PSMD9: variants seen among roughly 807,000 people sequenced by gnomAD.
PSMD9 encodes 26S proteasome non-ATPase regulatory subunit 9.
In PSMD9, 26 loss-of-function variants were observed where a neutral mutation model predicts 25.9. The ratio of observed to expected loss-of-function variants is 1.00; its 90% confidence interval spans 0.73 to 1.39. The LOEUF (loss-of-function observed/expected upper bound fraction) is 1.39, where lower values mean the gene tolerates loss of function less well. PSMD9 is among the 40% of genes most tolerant of loss of function. The pLI is 0.00. For missense variants in PSMD9, 303 were observed against 299.3 expected, an observed-to-expected ratio of 1.01 and a Z score of -0.09; for synonymous variants, 110 against 114.5, an observed-to-expected ratio of 0.96 and a Z score of 0.25.
At chr12:121,902,270 G>T (rs980323891) in intron 3 of PSMD9, 1 of 151,836 alleles carries the variant, frequency 6.6e-6, no homozygotes, top group South Asian at 2.1e-4. Context: ...GTGGAATGGG[G>T]TCCTAAACCC....
chr12:121,912,738 T>C lies in PSMD9; in HGVS notation c.556-3118T>C, dbSNP rs1046373017. ...AAAATTAGCCAGGTGTGGAGGATTGTGCCTGTAGTCACAGCTACTCAGGAG... is the reference window on the plus strand; with the variant it reads ...AAAATTAGCCAGGTGTGGAGGATTGCGCCTGTAGTCACAGCTACTCAGGAG... On this transcript the variant is annotated intron_variant, in intron 4 of 5. Coordinates refer to ENST00000541212, the MANE Select transcript of PSMD9 (RefSeq NM_002813.7). 2.0e-5 allele frequency among the ~76,000 whole-genome samples: 3 copies of C among 151,590 alleles called. No homozygotes were observed. In the East Asian group the frequency reaches 6.0e-4, roughly 30 times the overall value.
chr12:121,900,307 A>G (rs947194297), intron 3 of PSMD9, among the ~76,000 whole-genome samples: 3 of 152,156 alleles, frequency 2.0e-5, no homozygotes, highest in South Asian at 4.1e-4. Flanking sequence ...TGGGAGGATC[A>G]CTTGGGCTCA....
Position 121,916,401 on chromosome 12 carries a change from A to G in PSMD9, c.*90A>G, listed in dbSNP as rs1337371646. Reference sequence around the variant, plus strand: ...CCAACTTGTCTTCTCTCCCTGAAGCATAAGGATCTGGAAGAGGCTTGTAAC... The same window carrying G: ...CCAACTTGTCTTCTCTCCCTGAAGCGTAAGGATCTGGAAGAGGCTTGTAAC... On this transcript the variant is annotated 3_prime_UTR_variant, in exon 6 of 6. Transcript: ENST00000541212. The G allele has an allele frequency of 2.0e-6, 3 of 1,500,348 alleles. No homozygotes were observed. Among genetic ancestry groups the G allele is most frequent in the Non-Finnish European group, 2.8e-6 (3 of 1,077,096 alleles). The allele number at this position is 1,500,348 out of a possible 1,614,324, so 92.9% of individuals were successfully genotyped here. A position where few individuals can be genotyped will look rare whatever the true frequency, so the allele number is the denominator to read the frequency against.
Position 121,916,460 on chromosome 12 carries a change from A to G in PSMD9, c.*149A>G. ...CTGTGTGGTGGCAGTACTGTGGCCC[A>G]CCAGTGTAATCTCCCTGGATTAAGG... On this transcript the variant is annotated 3_prime_UTR_variant, in exon 6 of 6. Coordinates refer to ENST00000541212, the MANE Select transcript of PSMD9 (RefSeq NM_002813.7). 1 of 974,190 alleles carries G rather than the reference A, an allele frequency of 1.0e-6. No homozygotes were observed. Among genetic ancestry groups the G allele is most frequent in the Admixed American group, 2.0e-5 (1 of 49,518 alleles). The allele number at this position is 974,190 out of a possible 1,614,324, so 60.3% of individuals were successfully genotyped here.
At chr12:121,914,349 A>G (rs1879830016) in intron 4 of PSMD9, 1 of 151,600 alleles carries the variant, frequency 6.6e-6, no homozygotes, top group East Asian at 1.9e-4. Context: ...CAGGAGTTCA[A>G]GACCAGCCTG....
chr12:121,902,937 G>T (rs545372562), intron 3 of PSMD9, 69 bp from the exon 4 acceptor site: 1 of 1,285,404 alleles, frequency 7.8e-7, no homozygotes, highest in African/African-American at 1.5e-5. Context: ...ATTGGGTATT[G>T]AAGGTTAGAG....
At chr12:121,894,487 G>T in intron 1 of PSMD9, 1 of 419,382 alleles carries the variant, frequency 2.4e-6, no homozygotes, top group Non-Finnish European at 4.4e-6. Context: ...GGTTTTATCG[G>T]CACTGTTTTA....
chr12:121,894,745 G>A lies in PSMD9; in HGVS notation c.145G>A (p.Gly49Ser), dbSNP rs779466110. Residue 49 changes from glycine (G) to serine (S), a missense_variant, in exon 2 of 6, where the codon GGC (glycine) becomes AGC (serine). Transcript: ENST00000541212. ...CCACGTTTCTTTCCTCCAGCAAAAA[G>A]GCATTGGGATGAACGAGCCGCTGGT... is the stretch of plus-strand genomic sequence containing the variant. ...ANYDVLESQKGIGMNEPLVDC... is the reference protein window; with the variant it reads ...ANYDVLESQKSIGMNEPLVDC... The A allele has an allele frequency of 1.2e-5, 19 of 1,613,902 alleles. No individual in the cohort carries two copies. Among genetic ancestry groups the A allele is most frequent in the Non-Finnish European group, 1.6e-5 (19 of 1,179,992 alleles).
At chr12:121,902,809 A>AC in intron 3 of PSMD9, 197 bp from the exon 4 acceptor site, 1 of 525,290 alleles carries the variant, frequency 1.9e-6, no homozygotes, top group South Asian at 2.0e-5. Flanking sequence ...CCTCAAAGGA[A>AC]CCCCAGGAGG....
intron 4 of PSMD9, among the ~76,000 whole-genome samples, chr12:121,904,798 C>T (rs1045818564): frequency 2.0e-5 from 3 of 150,238 alleles, no homozygotes; most frequent in Non-Finnish European, 3.0e-5. Flanking sequence ...GCTGGGATTA[C>T]AGGCGCCCAC....
intron 4 of PSMD9, among the ~76,000 whole-genome samples, chr12:121,909,795 T>G (rs1352747090): frequency 6.6e-6 from 1 of 152,194 alleles, no homozygotes; most frequent in Non-Finnish European, 1.5e-5. Flanking sequence ...CAGCCTCCCA[T>G]GTTCGACATT....
chr12:121,893,191 A>T (rs1879135990), intron 1 of PSMD9, among the ~76,000 whole-genome samples: 1 of 152,184 alleles, frequency 6.6e-6, no homozygotes, highest in Admixed American at 6.6e-5. Flanking sequence ...TCAACCCTTA[A>T]CCACTGTGGG....
intron 3 of PSMD9, chr12:121,902,804 A>G: frequency 1.9e-6 from 1 of 519,742 alleles, no homozygotes; most frequent in Non-Finnish European, 3.5e-6. Flanking sequence ...GCTGCCCTCA[A>G]AGGAACCCCA....
chr12:121,917,909 A>G lies in PSMD9; in HGVS notation c.*1598A>G, dbSNP rs893222566. 2.7e-4 allele frequency: 41 copies of G among 152,300 alleles called. No individual in the cohort carries two copies. Among genetic ancestry groups the G allele is most frequent in the African/African-American group, 9.1e-4 (38 of 41,562 alleles). The allele number at this position is 152,300 out of a possible 1,614,324, so 9.4% of individuals were successfully genotyped here. A position where few individuals can be genotyped will look rare whatever the true frequency, so the allele number is the denominator to read the frequency against. ...AAGATGTATGCATATTAATCAATTT[A>G]CCATCACTGGGGCATGGCAGTGTGG... On this transcript the variant is annotated 3_prime_UTR_variant, in exon 6 of 6. Transcript: ENST00000541212.
intron 4 of PSMD9, among the ~76,000 whole-genome samples, chr12:121,908,420 C>G (rs897838294): frequency 5.9e-5 from 9 of 152,168 alleles, no homozygotes; most frequent in African/African-American, 2.2e-4. Flanking sequence ...CTCAGATGAT[C>G]TGCCCGCTTC....
At position 121,917,773 on chromosome 12, in the gene PSMD9, G is replaced by A. The variant is rs1565898046; in HGVS notation, c.*1462G>A. ...CCACAGACATGCTGTGTTTACCAAT[G>A]TTTGCTGTTTAAATTGCATGTTCTA... is the stretch of plus-strand genomic sequence containing the variant. On this transcript the variant is annotated 3_prime_UTR_variant, in exon 6 of 6. Transcript: ENST00000541212. 1.3e-5 allele frequency: 2 copies of A among 152,232 alleles called. No homozygotes were observed. Among genetic ancestry groups the A allele is most frequent in the Admixed American group, 6.5e-5 (1 of 15,282 alleles). 9.4% of individuals were successfully genotyped at this position (152,232 alleles called of 1,614,324 possible).
rs1021689153 is a variant in PSMD9 at position 121,899,759 on chromosome 12, A to C, written c.367A>C (p.Lys123Gln). The C allele has an allele frequency of 1.2e-6, 2 of 1,613,968 alleles. No homozygotes were observed. Among genetic ancestry groups the C allele is most frequent in the Admixed American group, 3.3e-5 (2 of 59,994 alleles). The change falls in exon 3 of 6, where the codon AAA becomes CAA. Residue 123 changes from lysine (K) to glutamine (Q), a missense_variant. Transcript: ENST00000541212. ...GGCCCACAAAGAGGCCATGAGCCGC[A>C]AACTGGGTCAGAGTGAGAGCCAGGG... ...AEAHKEAMSR[K>Q]LGQSESQGPP...
chr12:121,904,841 A>G (rs192719396), intron 4 of PSMD9, among the ~76,000 whole-genome samples: 23 of 151,022 alleles, frequency 1.5e-4, no homozygotes, highest in East Asian at 1.0e-3. Context: ...TATTTTTAGT[A>G]GAGATGGGGT....
intron 3 of PSMD9, 104 bp downstream of exon 3, chr12:121,899,949 G>A: frequency 7.8e-7 from 1 of 1,284,646 alleles, no homozygotes; most frequent in South Asian, 1.3e-5. Flanking sequence ...GTGCTGCGGT[G>A]CTGAGTTCAG....
Sources: gnomAD v4.1 joint callset for allele counts (sites outside exome capture counted in the v4.1 genomes callset) on GRCh38, gnomAD v4.1.1 for gene constraint, MANE v1.5 for transcripts, NCBI Gene and HGNC (gene_info 2026-07-23, HGNC 2026-07-21) for gene names.